The following PIBF1 variants were observed in gnomAD, a reference collection of about 807,000 sequenced individuals.
PIBF1 encodes the protein progesterone immunomodulatory binding factor 1.
In PIBF1, 90 loss-of-function variants were observed where a neutral mutation model predicts 112.5. The ratio of observed to expected loss-of-function variants is 0.80; its 90% CI spans 0.67 to 0.95. The LOEUF (loss-of-function observed/expected upper bound fraction) is 0.95. PIBF1 is among the 40% of genes least tolerant of loss of function. PIBF1 has a pLI of 0.00. For missense variants in PIBF1, 915 were observed against 852.3 expected (o/e 1.07, Z -0.92); for synonymous variants, 301 against 288.6 (o/e 1.04, Z -0.44).
At chr13:72,790,466 T>TACACACACACACAC (rs1566271692) in intron 2 of PIBF1, among the ~76,000 whole-genome samples, 6 of 96,076 alleles carry the variant, frequency 6.2e-5, no homozygotes, top group South Asian at 5.8e-4. Flanking sequence ...CACACACACT[T>TACACACACACACAC]ATAGATAGAT....
chr13:72,925,505 G>C (rs1388238946), intron 13 of PIBF1, among the ~76,000 whole-genome samples: 1 of 140,880 alleles, frequency 7.1e-6, no homozygotes, highest in Admixed American at 7.0e-5. Context: ...TCTGCAGATT[G>C]TCTTTTCACT....
chr13:72,813,147 A>G (rs2036099269), intron 5 of PIBF1, among the ~76,000 whole-genome samples: 1 of 152,216 alleles, frequency 6.6e-6, no homozygotes, highest in South Asian at 2.1e-4. Context: ...CTCAAAGCTA[A>G]ATGAACTCCT....
At chr13:73,005,195 T>C (rs1387908471) in intron 17 of PIBF1, among the ~76,000 whole-genome samples, 1 of 151,830 alleles carries the variant, frequency 6.6e-6, no homozygotes, top group African/African-American at 2.4e-5. Flanking sequence ...TAAAAATAGT[T>C]AATGGGATAA....
chr13:72,787,538 AG>A (rs2034664278), intron 2 of PIBF1, among the ~76,000 whole-genome samples: 2 of 152,236 alleles, frequency 1.3e-5, no homozygotes, highest in South Asian at 4.1e-4. Flanking sequence ...GGTCCCCAAA[AG>A]CCTGATGGAT....
At chr13:72,917,712 C>T (rs187299384) in intron 13 of PIBF1, among the ~76,000 whole-genome samples, 12 of 152,212 alleles carry the variant, frequency 7.9e-5, no homozygotes, top group South Asian at 6.2e-4. Flanking sequence ...TTCAACCAAC[C>T]GCTTATCAAA....
chr13:72,851,770 C>T (rs1398253777), intron 9 of PIBF1, among the ~76,000 whole-genome samples: 1 of 152,214 alleles, frequency 6.6e-6, no homozygotes, highest in Non-Finnish European at 1.5e-5. Flanking sequence ...GCATATACTT[C>T]CTCCCCACTG....
At chr13:73,014,869 A>G (rs145439105) in intron 17 of PIBF1, among the ~76,000 whole-genome samples, 104 of 152,052 alleles carry the variant, frequency 6.8e-4, no homozygotes, top group Admixed American at 8.5e-4. Context: ...GCTCACTGCA[A>G]CCTCCACCTC....
intron 16 of PIBF1, among the ~76,000 whole-genome samples, chr13:72,985,417 G>GT (rs2043257750): frequency 6.9e-6 from 1 of 145,550 alleles, no homozygotes; most frequent in Non-Finnish European, 1.5e-5. Context: ...CGGGTGCCTT[G>GT]TAGTCCCAGC....
At chr13:72,991,980 A>G (rs562619411) in intron 16 of PIBF1, among the ~76,000 whole-genome samples, 4 of 152,298 alleles carry the variant, frequency 2.6e-5, no homozygotes, top group Admixed American at 2.6e-4. Context: ...GGCCTCCCAA[A>G]GTGCTGGGAT....
intron 6 of PIBF1, among the ~76,000 whole-genome samples, chr13:72,825,819 G>A (rs1338227889): frequency 6.6e-6 from 1 of 151,556 alleles, no homozygotes; most frequent in African/African-American, 2.4e-5. Flanking sequence ...TAATCCTAGT[G>A]CTTTCAGAAG....
chr13:73,000,199 G>C (rs2043811453), intron 17 of PIBF1, among the ~76,000 whole-genome samples: 1 of 152,152 alleles, frequency 6.6e-6, no homozygotes, highest in South Asian at 2.1e-4. Context: ...TAGTACATCA[G>C]CTTCTCTTTG....
At position 72,840,433 on chromosome 13, in the gene PIBF1, TATCAA is replaced by T. The variant is rs1472523606; in HGVS notation, c.1223+5067_1223+5071del. ...GTAATTATGTTAATTACTAGTATTT[TATCAA>T]AGTGTGCTGTTACAATAAGTTGAAA... On this transcript the variant is annotated intron_variant, in intron 9 of 17. Coordinates refer to ENST00000326291, the MANE Select transcript of PIBF1 (RefSeq NM_006346.4). Among the ~76,000 whole-genome samples the T allele has an allele frequency of 6.5e-4, 99 of 152,202 alleles. 1 individual carries two copies. Among genetic ancestry groups the T allele is most frequent in the Non-Finnish European group, 1.5e-4 (10 of 68,036 alleles).
chr13:72,899,878 C>T (rs937506949), intron 11 of PIBF1, among the ~76,000 whole-genome samples: 1 of 152,150 alleles, frequency 6.6e-6, no homozygotes, highest in African/African-American at 2.4e-5. Context: ...CCAGAAAGCT[C>T]CTAGAACTGA....
intron 16 of PIBF1, among the ~76,000 whole-genome samples, chr13:72,990,637 C>T (rs182494576): frequency 6.6e-6 from 1 of 151,912 alleles, no homozygotes; most frequent in African/African-American, 2.4e-5. Context: ...CACCCAAGGT[C>T]AGGAGTTTGA....
intron 16 of PIBF1, among the ~76,000 whole-genome samples, chr13:72,987,844 TTATTTATTTA>T (rs1371289784): frequency 1.1e-5 from 1 of 88,160 alleles, no homozygotes; most frequent in Non-Finnish European, 2.0e-5. Flanking sequence ...TGTAATTTAT[TTATTTATTTA>T]TTTATTTTTT....
chr13:72,904,429 A>ATTTTTTTTTTT (rs1240090172), intron 11 of PIBF1, among the ~76,000 whole-genome samples: 13 of 51,118 alleles, frequency 2.5e-4, no homozygotes, highest in African/African-American at 6.0e-4. Context: ...ATATCAAAAT[A>ATTTTTTTTTTT]TTTCTTTTTT....
intron 10 of PIBF1, among the ~76,000 whole-genome samples, chr13:72,859,500 T>C (rs969668485): frequency 6.6e-6 from 1 of 152,180 alleles, no homozygotes; most frequent in African/African-American, 2.4e-5. Context: ...TTCTGCATTT[T>C]TGTCAGTGAT....
intron 9 of PIBF1, chr13:72,836,155 A>G (rs1455736015): frequency 6.7e-6 from 3 of 448,066 alleles, no homozygotes; most frequent in Non-Finnish European, 1.3e-5. Flanking sequence ...CTTTTAGATC[A>G]GTAAATATTA....
chr13:72,975,252 G>A (rs879500407), intron 16 of PIBF1, among the ~76,000 whole-genome samples: 8 of 151,672 alleles, frequency 5.3e-5, no homozygotes, highest in East Asian at 3.9e-4. Flanking sequence ...ACTGGGTTTC[G>A]GCATGGTTGG....
Sources: allele counts gnomAD v4.1 joint callset (sites outside exome capture counted in the v4.1 genomes callset), GRCh38; gene constraint gnomAD v4.1.1; transcripts MANE v1.5; gene names NCBI Gene and HGNC (gene_info 2026-07-23, HGNC 2026-07-21).